Variants in GPM6B observed in about 807,000 individuals in gnomAD.
GPM6B encodes the protein glycoprotein M6B.
Under a neutral mutation model 27.2 loss-of-function variants are expected in GPM6B, and 4 were observed. The ratio of observed to expected loss-of-function variants is 0.15; its 90% confidence interval spans 0.07 to 0.34. GPM6B has a LOEUF of 0.34. Among genes scored for constraint, GPM6B ranks in the 10% least tolerant of loss-of-function variants. The pLI is 1.00. For synonymous variants in GPM6B, 124 were observed against 103.1 expected (o/e 1.20, Z -1.23); for missense variants, 183 against 261.9 (o/e 0.70, Z 2.08).
intron 1 of GPM6B, among the ~76,000 whole-genome samples, chrX:13,929,138 C>G (rs1921354833): frequency 8.9e-6 from 1 of 112,220 alleles, no homozygotes; most frequent in African/African-American, 3.2e-5. Flanking sequence ...GAAAGGCCAT[C>G]AAGGTAACTA....
intron 2 of GPM6B, among the ~76,000 whole-genome samples, chrX:13,805,214 G>A (rs773923800): frequency 1.0e-3 from 112 of 112,017 alleles, no homozygotes; most frequent in Non-Finnish European, 1.3e-3. Flanking sequence ...TGGAATTCTC[G>A]CTTGCAGTAG....
intron 1 of GPM6B, among the ~76,000 whole-genome samples, chrX:13,889,217 C>A (rs2050166158): frequency 8.9e-6 from 1 of 111,782 alleles, no homozygotes; most frequent in African/African-American, 3.3e-5. Flanking sequence ...TAAAATAGTA[C>A]TTAGCCATAA....
chrX:13,938,532 G>C, upstream of GPM6B: 11 of 900,352 alleles, frequency 1.2e-5, no homozygotes, highest in Non-Finnish European at 1.4e-5. Context: ...GGCGGGAGGG[G>C]TGAGGGCTGC....
intron 1 of GPM6B, among the ~76,000 whole-genome samples, chrX:13,892,641 T>A (rs2050199011): frequency 8.9e-6 from 1 of 112,210 alleles, no homozygotes; most frequent in Non-Finnish European, 1.9e-5. Flanking sequence ...GTGATTCTCC[T>A]GTCTTGGCCT....
chrX:13,855,688 C>T (rs1254228575), intron 1 of GPM6B, among the ~76,000 whole-genome samples: 5 of 112,043 alleles, frequency 4.5e-5, no homozygotes, highest in Non-Finnish European at 1.9e-5. Flanking sequence ...GTTTTACACA[C>T]ACACATGCAT....
intron 7 of GPM6B, chrX:13,774,641 A>T: frequency 4.3e-6 from 5 of 1,163,522 alleles, no homozygotes; most frequent in Non-Finnish European, 5.9e-6. Context: ...GAAGAGAACA[A>T]AACAGGACAG....
chrX:13,861,164 T>C (rs939514970), intron 1 of GPM6B, among the ~76,000 whole-genome samples: 4 of 109,976 alleles, frequency 3.6e-5, no homozygotes, highest in African/African-American at 1.3e-4. Flanking sequence ...TATACACACA[T>C]ACATATATAT....
At position 13,842,143 on chromosome X, in the gene GPM6B, C is replaced by T. The variant is rs566093856; in HGVS notation, c.-197-56335G>A. On this transcript the variant is annotated intron_variant, in intron 1 of 6. Coordinates refer to the GPM6B transcript ENST00000398361. The stretch of plus-strand genomic sequence containing the variant: ...GGAACAAGGGCCACATATGTTACTC[C>T]TCTGGTACCACGCCACAGCACCTAT... Among the ~76,000 whole-genome samples, 55 of 112,263 alleles carry T rather than the reference C, an allele frequency of 4.9e-4. No homozygotes were observed. In the South Asian group the frequency reaches 0.019, roughly 39 times the overall value.
At chrX:13,903,740 T>C (rs2050303383) in intron 1 of GPM6B, among the ~76,000 whole-genome samples, 1 of 111,729 alleles carries the variant, frequency 9.0e-6, no homozygotes, top group African/African-American at 3.3e-5. Context: ...GGCTGAAACA[T>C]AAACTAAACA....
At chrX:13,824,748 T>G (rs1490856950) in intron 1 of GPM6B, among the ~76,000 whole-genome samples, 1 of 111,748 alleles carries the variant, frequency 8.9e-6, no homozygotes, top group Non-Finnish European at 1.9e-5. Context: ...CCTAAAAGGA[T>G]AGTGAGTCCC....
chrX:13,790,011 CATTTTTT>C (rs1361610881), intron 2 of GPM6B, among the ~76,000 whole-genome samples: 1 of 111,559 alleles, frequency 9.0e-6, no homozygotes, highest in Non-Finnish European at 1.9e-5. Context: ...GCACCCAGCT[CATTTTTT>C]ATTTTTTAAT....
chrX:13,800,740 G>T (rs1022161333), intron 2 of GPM6B, among the ~76,000 whole-genome samples: 3 of 111,737 alleles, frequency 2.7e-5, no homozygotes, highest in African/African-American at 9.8e-5. Context: ...TATAGCAGTG[G>T]TGGTCAAACT....
chrX:13,901,668 C>G (rs754935822), intron 1 of GPM6B, among the ~76,000 whole-genome samples: 1 of 111,268 alleles, frequency 9.0e-6, no homozygotes, highest in South Asian at 3.8e-4. Flanking sequence ...GGGTTCAAGT[C>G]TGCTACTGGA....
At chrX:13,870,711 A>G (rs1180015594) in intron 1 of GPM6B, among the ~76,000 whole-genome samples, 3 of 112,282 alleles carry the variant, frequency 2.7e-5, no homozygotes, top group East Asian at 5.6e-4. Flanking sequence ...AAAGTATACA[A>G]TGAACATGTG....
At chrX:13,926,054 C>CAAAAAAAAAAAAAAAAAAAAAA (rs772441542) in intron 1 of GPM6B, among the ~76,000 whole-genome samples, 1 of 99,183 alleles carries the variant, frequency 1.0e-5, no homozygotes, top group African/African-American at 3.8e-5. Context: ...GACTCCATCT[C>CAAAAAAAAAAAAAAAAAAAAAA]AAAAAAAAAA....
chrX:13,848,809 C>T (rs888360750), intron 1 of GPM6B, among the ~76,000 whole-genome samples: 4 of 112,442 alleles, frequency 3.6e-5, no homozygotes, highest in African/African-American at 1.3e-4. Context: ...AGAATCTAAG[C>T]ATCCATCAAC....
At chrX:13,915,915 A>G (rs967972822) in intron 1 of GPM6B, among the ~76,000 whole-genome samples, 15 of 111,875 alleles carry the variant, frequency 1.3e-4, no homozygotes, top group Non-Finnish European at 2.6e-4. Flanking sequence ...GATTCATAAG[A>G]AGCATCCTTT....
At chrX:13,936,263 T>C (rs1921831896) in intron 1 of GPM6B, among the ~76,000 whole-genome samples, 1 of 112,318 alleles carries the variant, frequency 8.9e-6, no homozygotes, top group African/African-American at 3.2e-5. Context: ...CAAGATGTAA[T>C]GAAAAGTGAA....
chrX:13,870,880 G>A (rs998708416), intron 1 of GPM6B, among the ~76,000 whole-genome samples: 1 of 106,465 alleles, frequency 9.4e-6, no homozygotes, highest in Admixed American at 1.0e-4. Context: ...GACCAGGCTG[G>A]GTAACATAGC....
Sources: gnomAD v4.1 joint callset for allele counts (sites outside exome capture counted in the v4.1 genomes callset) on GRCh38, gnomAD v4.1.1 for gene constraint, MANE v1.5 for transcripts, NCBI Gene and HGNC (gene_info 2026-07-23, HGNC 2026-07-21) for gene names.